ROBO2: variants seen among roughly 807,000 people sequenced by gnomAD.
ROBO2 encodes the protein roundabout homolog 2.
ROBO2 carries 53 observed loss-of-function variants against 160.8 expected under a neutral mutation model. That is an observed-to-expected ratio of 0.33 (90% CI 0.26 to 0.41). The LOEUF is 0.41. ROBO2 is among the 10% of genes least tolerant of loss of function. ROBO2 has a pLI of 1.00. For synonymous variants in ROBO2, 664 were observed against 611.7 expected (o/e 1.09, Z -1.26); for missense variants, 1,577 against 1,722.4 (o/e 0.92, Z 1.49).
intron 15 of ROBO2, 126 bp from the exon 17 acceptor site, chr3:77,579,821 G>C: frequency 1.2e-6 from 1 of 861,206 alleles, no homozygotes; most frequent in South Asian, 1.6e-5. Flanking sequence ...GATGTCATTT[G>C]CAAAACTTCT....
chr3:77,458,789 T>G (rs2081954901), intron 2 of ROBO2, among the ~76,000 whole-genome samples: 1 of 152,306 alleles, frequency 6.6e-6, no homozygotes, highest in East Asian at 1.9e-4. Context: ...ATTTTTAGTA[T>G]ACTTTGATTA....
intron 6 of ROBO2, among the ~76,000 whole-genome samples, chr3:77,536,214 C>T (rs1432045729): frequency 1.3e-5 from 2 of 152,134 alleles, no homozygotes; most frequent in Non-Finnish European, 2.9e-5. Flanking sequence ...CCCATCTAGA[C>T]TGCCACAGGC....
intron 2 of ROBO2, among the ~76,000 whole-genome samples, chr3:76,326,347 C>T (rs2073017021): frequency 6.6e-6 from 1 of 152,046 alleles, no homozygotes. Context: ...CACTTTAACC[C>T]TGTCCAGTAT....
intron 2 of ROBO2, among the ~76,000 whole-genome samples, chr3:76,079,484 T>TA (rs909059352): frequency 6.8e-6 from 1 of 146,872 alleles, no homozygotes; most frequent in Non-Finnish European, 1.5e-5. Context: ...TATTATTAGT[T>TA]TTTTTTTTTT....
At chr3:76,888,598 C>T (rs1013037213) in intron 2 of ROBO2, among the ~76,000 whole-genome samples, 6 of 152,142 alleles carry the variant, frequency 3.9e-5, no homozygotes, top group African/African-American at 1.4e-4. Flanking sequence ...ATCAGAATTA[C>T]AATTGATATA....
intron 2 of ROBO2, among the ~76,000 whole-genome samples, chr3:77,214,863 G>T (rs62251854): frequency 0.029 from 4,453 of 152,084 alleles, 72 homozygotes; most frequent in Middle Eastern, 0.054. Context: ...GGATATGAAA[G>T]TCTGGGTTGA....
At chr3:77,237,576 T>C (rs1441710596) in intron 2 of ROBO2, among the ~76,000 whole-genome samples, 5 of 152,054 alleles carry the variant, frequency 3.3e-5, no homozygotes, top group Non-Finnish European at 7.4e-5. Flanking sequence ...TAGCTCCTTT[T>C]TAAGTGCTGA....
intron 2 of ROBO2, among the ~76,000 whole-genome samples, chr3:76,715,664 C>G (rs1261518143): frequency 6.6e-6 from 1 of 152,092 alleles, no homozygotes; most frequent in South Asian, 2.1e-4. Context: ...AAGGTCAGAG[C>G]CATGAGAATG....
intron 2 of ROBO2, among the ~76,000 whole-genome samples, chr3:76,865,555 T>C (rs1293299521): frequency 6.6e-6 from 1 of 152,116 alleles, no homozygotes; most frequent in Non-Finnish European, 1.5e-5. Context: ...CACTCTAATA[T>C]GTTCTACCAC....
chr3:77,284,227 C>G (rs1037194718), intron 2 of ROBO2, among the ~76,000 whole-genome samples: 47 of 152,226 alleles, frequency 3.1e-4, no homozygotes, highest in African/African-American at 1.1e-3. Context: ...TTACCAAGCC[C>G]TAAGTGAGAT....
At chr3:77,397,187 G>A (rs1396893251) in intron 2 of ROBO2, among the ~76,000 whole-genome samples, 1 of 152,008 alleles carries the variant, frequency 6.6e-6, no homozygotes, top group Non-Finnish European at 1.5e-5. Flanking sequence ...GTTCATATTC[G>A]GGAACTGTAG....
chr3:76,946,439 G>A (rs1018256445), intron 2 of ROBO2, among the ~76,000 whole-genome samples: 1 of 151,710 alleles, frequency 6.6e-6, no homozygotes. Flanking sequence ...TTTTTTGTTT[G>A]TTTGTTTTAT....
At chr3:76,307,480 A>G (rs1397456801) in intron 2 of ROBO2, among the ~76,000 whole-genome samples, 1 of 149,246 alleles carries the variant, frequency 6.7e-6, no homozygotes, top group Non-Finnish European at 1.5e-5. Context: ...TTTTCCTTTG[A>G]GCACGAGTAG....
chr3:77,296,779 C>G (rs2062177263), intron 2 of ROBO2, among the ~76,000 whole-genome samples: 1 of 152,082 alleles, frequency 6.6e-6, no homozygotes, highest in Admixed American at 6.6e-5. Context: ...GAGGAGGGAC[C>G]TGGGAGAGAG....
intron 2 of ROBO2, among the ~76,000 whole-genome samples, chr3:76,635,393 C>T (rs1161838728): frequency 6.6e-6 from 1 of 152,118 alleles, no homozygotes; most frequent in Non-Finnish European, 1.5e-5. Context: ...TTGCTTATAG[C>T]TTTGCTGGGG....
In ROBO2 at chr3:77,560,363, TTAAAATTAAAGGAA is replaced by T. The variant is rs528662344; in HGVS notation, c.1437+2235_1437+2248del. On this transcript the variant is annotated intron_variant, in intron 9 of 25. Transcript: ENST00000461745. ...ACTCCTCACCAGAAAAAGACATTAT[TTAAAATTAAAGGAA>T]TAAAATTAAAGGAATAAAATGTGGT... Among the ~76,000 whole-genome samples the T allele has an allele frequency of 1.4e-3, 213 of 152,222 alleles. 3 individuals are homozygous for T. The highest frequency in any genetic ancestry group is 1.9e-3 in the South Asian group (9 of 4,820).
At chr3:77,434,107 A>G (rs1296240969) in intron 2 of ROBO2, among the ~76,000 whole-genome samples, 2 of 152,046 alleles carry the variant, frequency 1.3e-5, no homozygotes, top group African/African-American at 4.8e-5. Flanking sequence ...GTCCAATAGC[A>G]TTAATGCTAC....
At chr3:76,014,791 A>G (rs983923985) in intron 2 of ROBO2, among the ~76,000 whole-genome samples, 16 of 152,196 alleles carry the variant, frequency 1.1e-4, no homozygotes, top group African/African-American at 3.1e-4. Flanking sequence ...GGCTGGGTGC[A>G]GTGGCACGTG....
chr3:77,557,995 C>T (rs755515210), exon 9 of ROBO2: 8 of 1,613,142 alleles, frequency 5.0e-6, no homozygotes, highest in Non-Finnish European at 5.9e-6. Context: ...GCCAACCAAA[C>T]GCTGGCAGTG....
Sources: allele counts gnomAD v4.1 joint callset (sites outside exome capture counted in the v4.1 genomes callset), GRCh38; gene constraint gnomAD v4.1.1; transcripts MANE v1.5; gene names NCBI Gene and HGNC (gene_info 2026-07-23, HGNC 2026-07-21).